The following ADAMTSL1 variants were observed in gnomAD, a reference collection of about 807,000 sequenced individuals.
The protein encoded by ADAMTSL1 is ADAMTS like 1, also known as ADAMTS-like protein 1.
In ADAMTSL1, 126 loss-of-function variants were observed where a neutral mutation model predicts 201.8. The ratio of observed to expected loss-of-function variants is 0.62; its 90% CI spans 0.54 to 0.72. The LOEUF is 0.72. ADAMTSL1 is among the 30% of genes least tolerant of loss of function. The pLI, the probability that ADAMTSL1 is intolerant of heterozygous loss-of-function variation, is 0.00. For synonymous variants in ADAMTSL1, 1,121 were observed against 903.4 expected, an observed-to-expected ratio of 1.24 and a Z score of -4.32; for missense variants, 2,679 against 2,277.8, an observed-to-expected ratio of 1.18 and a Z score of -3.59.
chr9:18,543,829 G>T (rs1820312753), intron 3 of ADAMTSL1, among the ~76,000 whole-genome samples: 1 of 152,154 alleles, frequency 6.6e-6, no homozygotes, highest in Admixed American at 6.6e-5. Context: ...AGTAAGTTAG[G>T]CCTTCTGCTT....
intron 20 of ADAMTSL1, among the ~76,000 whole-genome samples, chr9:18,798,369 G>T (rs547657011): frequency 6.6e-6 from 1 of 152,216 alleles, no homozygotes; most frequent in South Asian, 2.1e-4. Flanking sequence ...TCTGGAAAGT[G>T]GTGCTAATAA....
intron 2 of ADAMTSL1, among the ~76,000 whole-genome samples, chr9:18,328,790 G>A (rs1834924425): frequency 6.6e-6 from 1 of 152,118 alleles, no homozygotes; most frequent in Non-Finnish European, 1.5e-5. Context: ...GAAGCACATG[G>A]GAAGCAACTC....
At chr9:18,135,938 G>A (rs1235264437) in intron 1 of ADAMTSL1, among the ~76,000 whole-genome samples, 1 of 152,114 alleles carries the variant, frequency 6.6e-6, no homozygotes, top group Non-Finnish European at 1.5e-5. Context: ...AGTCCTCTGA[G>A]AAATATAGAC....
intron 4 of ADAMTSL1, among the ~76,000 whole-genome samples, chr9:18,589,671 T>C (rs1001165288): frequency 1.3e-5 from 2 of 152,176 alleles, no homozygotes; most frequent in Non-Finnish European, 2.9e-5. Flanking sequence ...GGAAAGGCTT[T>C]CAGTTTTTTC....
At chr9:18,182,945 A>G (rs1359729134) in intron 2 of ADAMTSL1, among the ~76,000 whole-genome samples, 2 of 152,200 alleles carry the variant, frequency 1.3e-5, no homozygotes, top group South Asian at 2.1e-4. Context: ...ACCAGCTTAA[A>G]TATCTGGCTG....
intron 21 of ADAMTSL1, among the ~76,000 whole-genome samples, chr9:18,823,422 A>G (rs1016224503): frequency 6.6e-5 from 10 of 152,084 alleles, no homozygotes; most frequent in African/African-American, 2.4e-4. Flanking sequence ...ACAATTTTAG[A>G]ACGGCATGAG....
chr9:18,525,724 G>A (rs1002270927), intron 2 of ADAMTSL1, among the ~76,000 whole-genome samples: 1 of 152,172 alleles, frequency 6.6e-6, no homozygotes, highest in African/African-American at 2.4e-5. Flanking sequence ...TCAGGAGCAG[G>A]TTGTTCAGTT....
At chr9:18,368,030 G>A (rs985878101) in intron 2 of ADAMTSL1, among the ~76,000 whole-genome samples, 1 of 151,726 alleles carries the variant, frequency 6.6e-6, no homozygotes, top group Non-Finnish European at 1.5e-5. Flanking sequence ...CCCCTGAGTA[G>A]CTGGGACTAC....
chr9:17,961,470 C>T (rs538693588), intron 1 of ADAMTSL1, among the ~76,000 whole-genome samples: 15 of 151,988 alleles, frequency 9.9e-5, no homozygotes, highest in Non-Finnish European at 1.9e-4. Context: ...AGGCTGGTCT[C>T]GAACTCCTGA....
At chr9:18,260,518 G>A (rs941165646) in intron 2 of ADAMTSL1, among the ~76,000 whole-genome samples, 4 of 152,166 alleles carry the variant, frequency 2.6e-5, no homozygotes, top group Non-Finnish European at 4.4e-5. Context: ...GATCCTCCAC[G>A]GTGCCTGCCC....
intron 14 of ADAMTSL1, among the ~76,000 whole-genome samples, chr9:18,712,712 A>G (rs1006829891): frequency 2.4e-4 from 36 of 151,934 alleles, no homozygotes; most frequent in Admixed American, 5.2e-4. Context: ...CAATTTAGCA[A>G]GGCAGGCCAA....
intron 2 of ADAMTSL1, among the ~76,000 whole-genome samples, chr9:18,438,663 C>T (rs967734003): frequency 2.0e-5 from 3 of 152,182 alleles, no homozygotes. Context: ...AGGCTTCCTC[C>T]TCGCCGCCAC....
chr9:18,057,836 G>T (rs1384648424), intron 1 of ADAMTSL1, among the ~76,000 whole-genome samples: 1 of 152,160 alleles, frequency 6.6e-6, no homozygotes, highest in Non-Finnish European at 1.5e-5. Flanking sequence ...GAGTTTTAAT[G>T]TCACTATTTG....
chr9:17,974,783 T>C (rs1818374010), intron 1 of ADAMTSL1, among the ~76,000 whole-genome samples: 1 of 152,136 alleles, frequency 6.6e-6, no homozygotes, highest in Non-Finnish European at 1.5e-5. Context: ...ACTCGTCTGT[T>C]GAACACTTAG....
At chr9:17,967,867 T>G (rs1011046179) in intron 1 of ADAMTSL1, among the ~76,000 whole-genome samples, 1 of 152,150 alleles carries the variant, frequency 6.6e-6, no homozygotes, top group Non-Finnish European at 1.5e-5. Flanking sequence ...CTTCTTCTGT[T>G]TATTCACACT....
chr9:17,979,270 C>G (rs1818586617), intron 1 of ADAMTSL1, among the ~76,000 whole-genome samples: 1 of 151,904 alleles, frequency 6.6e-6, no homozygotes, highest in Non-Finnish European at 1.5e-5. Context: ...GCTCCTTTCT[C>G]TTTCTTTTCT....
chr9:18,844,896 G>T (rs2082574), intron 23 of ADAMTSL1, among the ~76,000 whole-genome samples: 1 of 152,122 alleles, frequency 6.6e-6, no homozygotes, highest in African/African-American at 2.4e-5. Context: ...TCGGAAAAGC[G>T]CAGTATTTGG....
At chr9:18,759,625 G>A (rs1819956327) in intron 16 of ADAMTSL1, among the ~76,000 whole-genome samples, 1 of 152,178 alleles carries the variant, frequency 6.6e-6, no homozygotes, top group Non-Finnish European at 1.5e-5. Context: ...TTTTGAGGCA[G>A]CAATAAACAT....
At chr9:18,428,905 C>T (rs1450309004) in intron 2 of ADAMTSL1, among the ~76,000 whole-genome samples, 1 of 152,198 alleles carries the variant, frequency 6.6e-6, no homozygotes, top group Non-Finnish European at 1.5e-5. Flanking sequence ...AGCAGATTAG[C>T]TATTGCTGCT....
Sources: gnomAD v4.1 joint callset for allele counts (sites outside exome capture counted in the v4.1 genomes callset) on GRCh38, gnomAD v4.1.1 for gene constraint, MANE v1.5 for transcripts, NCBI Gene and HGNC (gene_info 2026-07-23, HGNC 2026-07-21) for gene names.